Variants in RPA3 observed in about 807,000 individuals in gnomAD.
RPA3 encodes the protein replication protein A3, also known as replication protein A 14 kDa subunit.
RPA3 carries 24 observed loss-of-function variants against 13.7 expected under a neutral mutation model. That is an observed-to-expected ratio of 1.75 (90% CI 1.27 to 2.46). The LOEUF is 2.46. Ranked by LOEUF, RPA3 falls within the 30% of genes most tolerant of loss-of-function variation. RPA3 has a pLI of 0.00. For synonymous variants in RPA3, 59 were observed against 51.2 expected (o/e 1.15, Z -0.65); for missense variants, 183 against 151.0 (o/e 1.21, Z -1.11).
chr7:7,641,749 G>T (rs1040648416), intron 4 of RPA3: 4 of 152,184 alleles, frequency 2.6e-5, no homozygotes, highest in Admixed American at 2.0e-4. Context: ...GTATTATAAC[G>T]TTGTGGAAAC....
At chr7:7,658,304 C>A (rs946291981) in intron 4 of RPA3, among the ~76,000 whole-genome samples, 2 of 152,322 alleles carry the variant, frequency 1.3e-5, no homozygotes, top group Admixed American at 1.3e-4. Context: ...CCCCTTATTT[C>A]TTTCTCTTGC....
At chr7:7,649,061 G>A (rs1458203268) in intron 4 of RPA3, among the ~76,000 whole-genome samples, 1 of 150,842 alleles carries the variant, frequency 6.6e-6, no homozygotes, top group East Asian at 2.0e-4. Flanking sequence ...AGGAGGCTGA[G>A]GCAGGAGAAT....
chr7:7,657,487 G>A (rs1296146261), intron 4 of RPA3, among the ~76,000 whole-genome samples: 2 of 152,126 alleles, frequency 1.3e-5, no homozygotes, highest in African/African-American at 2.4e-5. Flanking sequence ...GTTAATTTTT[G>A]TATAAGGTGT....
chr7:7,676,454 C>A (rs528963273), intron 4 of RPA3, among the ~76,000 whole-genome samples: 1 of 152,284 alleles, frequency 6.6e-6, no homozygotes, highest in South Asian at 2.1e-4. Flanking sequence ...AGAACCTATC[C>A]TCTAAACCAC....
intron 4 of RPA3, among the ~76,000 whole-genome samples, chr7:7,642,262 G>A (rs1231647573): frequency 7.8e-6 from 1 of 128,234 alleles, no homozygotes. Context: ...AGCCTGCCAA[G>A]TAGCTGGGAC....
chr7:7,653,547 G>C (rs928176635), intron 4 of RPA3, among the ~76,000 whole-genome samples: 1 of 152,188 alleles, frequency 6.6e-6, no homozygotes, highest in African/African-American at 2.4e-5. Context: ...TGACTGAAGT[G>C]CATCACGCAC....
chr7:7,696,451 A>G (rs1780320397), intron 2 of RPA3, among the ~76,000 whole-genome samples: 1 of 152,176 alleles, frequency 6.6e-6, no homozygotes. Flanking sequence ...GAGCTTAGCC[A>G]CTGGAACTGG....
chr7:7,696,606 G>A (rs985310765), intron 2 of RPA3, among the ~76,000 whole-genome samples: 7 of 151,998 alleles, frequency 4.6e-5, no homozygotes, highest in South Asian at 2.1e-4. Context: ...TTATTGATCC[G>A]AAGGCTCTTC....
intron 4 of RPA3, among the ~76,000 whole-genome samples, chr7:7,684,927 A>G (rs563596153): frequency 6.6e-6 from 1 of 152,312 alleles, no homozygotes; most frequent in East Asian, 1.9e-4. Flanking sequence ...AAACATTGTA[A>G]GTATGCATAC....
In RPA3 at chr7:7,676,710, T is replaced by A. The variant is rs192077513; in HGVS notation, c.-758+9120A>T. 1.8e-3 allele frequency among the ~76,000 whole-genome samples: 281 copies of A among 152,280 alleles called. 2 individuals carry two copies. Among genetic ancestry groups the A allele is most frequent in the Admixed American group, 5.0e-3 (76 of 15,294 alleles). On this transcript the variant is annotated intron_variant, in intron 4 of 7. Transcript: ENST00000223129. ...TAATAGTTTAAATGTTTTTAAAATA[T>A]TTTAAAATATTTCAGAAAACTCCTT... is the stretch of plus-strand genomic sequence containing the variant.
chr7:7,658,120 T>C (rs1462827400), intron 4 of RPA3, among the ~76,000 whole-genome samples: 1 of 152,218 alleles, frequency 6.6e-6, no homozygotes, highest in Non-Finnish European at 1.5e-5. Flanking sequence ...TTGTCTATTA[T>C]TGGTGTATAG....
intron 2 of RPA3, among the ~76,000 whole-genome samples, chr7:7,709,821 A>G (rs1267554565): frequency 6.6e-6 from 1 of 152,142 alleles, no homozygotes; most frequent in Non-Finnish European, 1.5e-5. Flanking sequence ...CAGAATGACA[A>G]TGTGATGAAC....
chr7:7,683,626 C>CA (rs1779965135), intron 4 of RPA3, among the ~76,000 whole-genome samples: 1 of 150,018 alleles, frequency 6.7e-6, no homozygotes, highest in African/African-American at 2.4e-5. Context: ...TTTTCTTTTC[C>CA]TTTTCTTTTT....
chr7:7,687,139 A>G (rs538207312), intron 3 of RPA3, 89 bp downstream of exon 3: 1 of 152,338 alleles, frequency 6.6e-6, no homozygotes, highest in South Asian at 2.1e-4. Context: ...GCCCTAAGTA[A>G]TACAGGTACT....
At chr7:7,642,870 A>T (rs1280630552) in intron 4 of RPA3, among the ~76,000 whole-genome samples, 1 of 152,214 alleles carries the variant, frequency 6.6e-6, no homozygotes, top group Non-Finnish European at 1.5e-5. Context: ...AGGTGGTTTT[A>T]TCACACATGC....
At chr7:7,648,135 G>A (rs763153339) in intron 4 of RPA3, among the ~76,000 whole-genome samples, 1 of 152,206 alleles carries the variant, frequency 6.6e-6, no homozygotes, top group African/African-American at 2.4e-5. Context: ...GTGGGCTCCA[G>A]TGGCCTCCTT....
chr7:7,691,145 GA>G (rs1222842924), intron 2 of RPA3, among the ~76,000 whole-genome samples: 1 of 152,050 alleles, frequency 6.6e-6, no homozygotes, highest in African/African-American at 2.4e-5. Context: ...GTTTGTAGGG[GA>G]AAAAAGCTGA....
intron 4 of RPA3, among the ~76,000 whole-genome samples, chr7:7,682,743 G>A (rs866527214): frequency 2.6e-5 from 4 of 152,228 alleles, no homozygotes; most frequent in African/African-American, 4.8e-5. Flanking sequence ...CCCACGTATC[G>A]GGATATCCAG....
chr7:7,640,435 T>A lies in RPA3; in HGVS notation c.-17A>T. ...GTCCACCATGATTATGGTCCAAGAC[T>A]GCGGCTGGCGGGAAACCCACGGACG... is the stretch of plus-strand genomic sequence containing the variant. On this transcript the variant is annotated 5_prime_UTR_variant, in exon 5 of 8. Transcript: ENST00000223129. The A allele has an allele frequency of 6.2e-7, 1 of 1,612,018 alleles. No individual in the cohort carries two copies. Among genetic ancestry groups the A allele is most frequent in the Middle Eastern group, 1.7e-4 (1 of 6,052 alleles).
Sources: gnomAD v4.1 joint callset for allele counts (sites outside exome capture counted in the v4.1 genomes callset) on GRCh38, gnomAD v4.1.1 for gene constraint, MANE v1.5 for transcripts, NCBI Gene and HGNC (gene_info 2026-07-23, HGNC 2026-07-21) for gene names.